The following RGS8 variants were observed in gnomAD, a reference collection of about 807,000 sequenced individuals.
RGS8 encodes the protein regulator of G protein signaling 8.
RGS8 carries 8 observed loss-of-function variants against 21.7 expected under a neutral mutation model. The observed-to-expected ratio is 0.37, with a 90% confidence interval of 0.22 to 0.66. The LOEUF is 0.66. Ranked by LOEUF, RGS8 falls within the 30% of genes least tolerant of loss-of-function variation. The probability of loss-of-function intolerance (pLI) is 0.59; values close to 1 mark genes in which losing one functional copy is unlikely to be tolerated. For missense variants in RGS8, 157 were observed against 217.9 expected (o/e 0.72, Z 1.76); for synonymous variants, 80 against 83.6 (o/e 0.96, Z 0.24).
intron 1 of RGS8, among the ~76,000 whole-genome samples, chr1:182,683,657 G>A (rs1003887845): frequency 6.8e-6 from 1 of 146,674 alleles, no homozygotes; most frequent in Non-Finnish European, 1.5e-5. Context: ...AAAAGTCACT[G>A]ACTAGACAGT....
At chr1:182,734,515 C>A in the RGS8 span, 1 of 152,140 alleles carries the variant, frequency 6.6e-6, no homozygotes, top group African/African-American at 2.4e-5. Context: ...TTGTAAACTT[C>A]TTTTCAAGAT....
At chr1:182,670,209 G>A (rs1664088182) in intron 2 of RGS8, among the ~76,000 whole-genome samples, 1 of 152,222 alleles carries the variant, frequency 6.6e-6, no homozygotes, top group African/African-American at 2.4e-5. Context: ...GGAGACTCGG[G>A]AAAGTGGGAG....
At chr1:182,664,984 G>A (rs528428414) in intron 5 of RGS8, among the ~76,000 whole-genome samples, 9 of 152,286 alleles carry the variant, frequency 5.9e-5, no homozygotes, top group African/African-American at 1.2e-4. Flanking sequence ...TAGTAACAAC[G>A]CTGAGTCAAA....
chr1:182,721,008 CATATATACACATAT>C, the RGS8 span, among the ~76,000 whole-genome samples: 776 of 90,292 alleles, frequency 8.6e-3, 51 homozygotes, highest in Non-Finnish European at 0.012. Context: ...TGTATATATA[CATATATACACATAT>C]ATATGTGTGT....
intron 1 of RGS8, among the ~76,000 whole-genome samples, chr1:182,679,418 A>G (rs1404709939): frequency 1.3e-5 from 2 of 151,814 alleles, no homozygotes; most frequent in Non-Finnish European, 2.9e-5. Context: ...TGACTTCCCA[A>G]CATTACACTC....
chr1:182,688,923 C>T (rs557826019), upstream of RGS8, among the ~76,000 whole-genome samples: 9 of 152,230 alleles, frequency 5.9e-5, no homozygotes, highest in Middle Eastern at 6.8e-3. Context: ...AATGCAGACC[C>T]GGCAACACTG....
the RGS8 span, among the ~76,000 whole-genome samples, chr1:182,711,827 C>T: frequency 3.7e-4 from 56 of 152,332 alleles, no homozygotes; most frequent in African/African-American, 1.1e-3. Flanking sequence ...CAGCAGGAAA[C>T]TCTAACCTGA....
chr1:182,692,885 T>C, the RGS8 span, among the ~76,000 whole-genome samples: 1 of 152,102 alleles, frequency 6.6e-6, no homozygotes, highest in Non-Finnish European at 1.5e-5. Context: ...GGGAAAGGAT[T>C]CCCTATTCAG....
chr1:182,712,498 C>T, the RGS8 span, among the ~76,000 whole-genome samples: 1 of 152,188 alleles, frequency 6.6e-6, no homozygotes, highest in African/African-American at 2.4e-5. Context: ...TCACATGTCA[C>T]CCACGGCCAG....
At position 182,667,851 on chromosome 1, in the gene RGS8, A is replaced by AT. The variant is rs542434099; in HGVS notation, c.27-879dup. ...ACTTTACCTTTCTTTAATATGTTTA[A>AT]TTTTTTTTTTTTTAGAGAAACGGTC... On this transcript the variant is annotated intron_variant, in intron 3 of 6. Coordinates refer to ENST00000483095, the Ensembl canonical transcript of RGS8. Among the ~76,000 whole-genome samples the AT allele has an allele frequency of 3.1e-3, 449 of 145,006 alleles. 1 individual carries two copies. The highest frequency in any genetic ancestry group is 6.6e-3 in the African/African-American group (261 of 39,592).
At chr1:182,728,234 T>C in the RGS8 span, among the ~76,000 whole-genome samples, 1 of 152,070 alleles carries the variant, frequency 6.6e-6, no homozygotes, top group Non-Finnish European at 1.5e-5. Flanking sequence ...TGGCTAAACA[T>C]AAAAGCAAAG....
chr1:182,696,511 C>A, the RGS8 span, among the ~76,000 whole-genome samples: 1 of 152,076 alleles, frequency 6.6e-6, no homozygotes, highest in African/African-American at 2.4e-5. Context: ...GCACCCACCA[C>A]CACACCTGGC....
At chr1:182,720,229 TG>T in the RGS8 span, among the ~76,000 whole-genome samples, 3 of 152,238 alleles carry the variant, frequency 2.0e-5, no homozygotes, top group African/African-American at 7.2e-5. Flanking sequence ...GTTCTATTTT[TG>T]AGTAGCAAAA....
chr1:182,708,150 C>T, the RGS8 span, among the ~76,000 whole-genome samples: 10 of 152,266 alleles, frequency 6.6e-5, no homozygotes, highest in African/African-American at 1.4e-4. Flanking sequence ...CAGCCAAGGA[C>T]GTCTGACCCC....
chr1:182,660,627 G>A (rs181540585), intron 5 of RGS8, among the ~76,000 whole-genome samples: 252 of 150,218 alleles, frequency 1.7e-3, no homozygotes, highest in African/African-American at 5.8e-3. Flanking sequence ...CTAGGGATGC[G>A]CTGTCTGAGC....
chr1:182,700,958 C>T, the RGS8 span, among the ~76,000 whole-genome samples: 1 of 152,196 alleles, frequency 6.6e-6, no homozygotes, highest in African/African-American at 2.4e-5. Flanking sequence ...ATATTCTAAG[C>T]TTCCCCATTG....
At chr1:182,697,277 G>A in the RGS8 span, among the ~76,000 whole-genome samples, 1 of 152,260 alleles carries the variant, frequency 6.6e-6, no homozygotes, top group African/African-American at 2.4e-5. Context: ...TATTTCTAGA[G>A]TTTGAAATAC....
chr1:182,741,186 G>A, the RGS8 span, among the ~76,000 whole-genome samples: 9 of 146,620 alleles, frequency 6.1e-5, no homozygotes, highest in African/African-American at 2.0e-4. Context: ...GTGGGGGGCT[G>A]ACCCCCCCAC....
chr1:182,672,766 T>G (rs201343429), upstream of RGS8: 4 of 1,606,938 alleles, frequency 2.5e-6, no homozygotes, highest in East Asian at 8.9e-5. Flanking sequence ...GATCTGCACA[T>G]GATCCCTATT....
Sources: gnomAD v4.1 joint callset for allele counts (sites outside exome capture counted in the v4.1 genomes callset) on GRCh38, gnomAD v4.1.1 for gene constraint, MANE v1.5 for transcripts, NCBI Gene and HGNC (gene_info 2026-07-23, HGNC 2026-07-21) for gene names.